DCTN4: variants seen among roughly 807,000 people sequenced by gnomAD.
The protein encoded by DCTN4 is dynactin subunit 4.
In DCTN4, 23 loss-of-function variants were observed where a neutral mutation model predicts 62.7. The observed-to-expected ratio is 0.37, with a 90% CI of 0.26 to 0.52. The LOEUF (loss-of-function observed/expected upper bound fraction) is 0.52, where lower values mean the gene tolerates loss of function less well. DCTN4 is among the 20% of genes least tolerant of loss of function. The pLI is 0.92. For synonymous variants in DCTN4, 199 were observed against 202.1 expected, an observed-to-expected ratio of 0.98 and a Z score of 0.13; for missense variants, 514 against 580.4, an observed-to-expected ratio of 0.89 and a Z score of 1.18.
intron 5 of DCTN4, 137 bp from the exon 6 acceptor site, chr5:150,731,626 TAAAG>T: frequency 2.9e-6 from 2 of 698,480 alleles, no homozygotes; most frequent in Non-Finnish European, 4.7e-6. Flanking sequence ...AGGCTTCTTT[TAAAG>T]AAAGCAATTT....
intron 4 of DCTN4, among the ~76,000 whole-genome samples, chr5:150,740,772 C>G (rs1379642850): frequency 1.3e-5 from 2 of 152,040 alleles, no homozygotes; most frequent in East Asian, 3.9e-4. Context: ...TGTTGGAGAC[C>G]ATTATTCTAA....
At position 150,710,916 on chromosome 5, in the gene DCTN4, G is replaced by A. The variant is rs1688030816; in HGVS notation, c.*233C>T. 1 of 540,444 alleles carries A rather than the reference G, an allele frequency of 1.9e-6. No homozygotes were observed. Among genetic ancestry groups the A allele is most frequent in the Admixed American group, 3.1e-5 (1 of 32,082 alleles). The allele number at this position is 540,444 out of a possible 1,614,324, so 33.5% of individuals were successfully genotyped here. A position where few individuals can be genotyped will look rare whatever the true frequency, so the allele number is the denominator to read the frequency against. ...TATGCTGCTGTTACTCAACGTGCAG[G>A]GTTCAGTGAGGGAGACACAGACTTA... On this transcript the variant is annotated 3_prime_UTR_variant, in exon 13 of 13. Transcript: ENST00000447998.
At chr5:150,752,250 T>G (rs1027403853) in intron 3 of DCTN4, among the ~76,000 whole-genome samples, 1 of 152,196 alleles carries the variant, frequency 6.6e-6, no homozygotes, top group African/African-American at 2.4e-5. Context: ...TTCCACTCTA[T>G]GATGTTAACC....
intron 5 of DCTN4, 93 bp from the exon 6 acceptor site, chr5:150,731,582 C>G: frequency 2.0e-6 from 2 of 1,001,368 alleles, no homozygotes; most frequent in Non-Finnish European, 3.0e-6. Context: ...GCATGAGAAG[C>G]TCAGGGAAAT....
At chr5:150,749,815 C>T (rs1752609189) in intron 3 of DCTN4, among the ~76,000 whole-genome samples, 1 of 152,126 alleles carries the variant, frequency 6.6e-6, no homozygotes, top group African/African-American at 2.4e-5. Flanking sequence ...CCTTTATTCA[C>T]ATAAGCCAAA....
At chr5:150,715,485 T>G in intron 12 of DCTN4, 80 bp downstream of exon 12, 1 of 1,111,362 alleles carries the variant, frequency 9.0e-7, no homozygotes, top group Non-Finnish European at 1.3e-6. Context: ...TTTTAAAAAA[T>G]CCAGACAAGA....
At chr5:150,723,782 G>T (rs1235660614) in intron 8 of DCTN4, among the ~76,000 whole-genome samples, 1 of 152,170 alleles carries the variant, frequency 6.6e-6, no homozygotes, top group Non-Finnish European at 1.5e-5. Flanking sequence ...GCACATAAAA[G>T]TACAAGCATA....
chr5:150,754,873 G>T (rs969601659), intron 2 of DCTN4, among the ~76,000 whole-genome samples: 2 of 152,004 alleles, frequency 1.3e-5, no homozygotes, highest in African/African-American at 4.8e-5. Context: ...TGAGGTGGAA[G>T]GACTGCTTGA....
rs771400712 is a variant in DCTN4, at chr5:150,758,822, C to G, written c.135+37G>C. The stretch of plus-strand genomic sequence containing the variant: ...TGACTAGCATGAACGCCGCGCCCCC[C>G]CCACCCCACATACTCGCTATAGGGC... On this transcript the variant is annotated intron_variant, in intron 1 of 12. Coordinates refer to ENST00000447998, the MANE Select transcript of DCTN4 (RefSeq NM_016221.4). 3.1e-6 allele frequency: 5 copies of G among 1,606,452 alleles called. No homozygotes were observed. In the East Asian group the frequency reaches 6.7e-5, roughly 22 times the overall value.
At chr5:150,728,436 T>A (rs1410392034) in intron 8 of DCTN4, among the ~76,000 whole-genome samples, 1 of 152,310 alleles carries the variant, frequency 6.6e-6, no homozygotes, top group East Asian at 1.9e-4. Flanking sequence ...AGATAAATTG[T>A]CCAAATGTTC....
rs372504610 is a variant in DCTN4 at position 150,731,115 on chromosome 5, G to C, written c.653C>G (p.Pro218Arg). ...GEDQKEIKIE[P>R]AQAVDEVEPL... ...TTCCACTTCATCCACAGCCTGAGCT[G>C]GCTCAATCTTTATCTCTTTCTGATC... The change falls in exon 7 of 13, where the codon CCA becomes CGA. Residue 218 changes from proline to arginine, a missense_variant. Pro to Arg is a moderately radical substitution (Grantham distance 103, BLOSUM62 -2). Coordinates refer to ENST00000447998, the MANE Select transcript of DCTN4 (RefSeq NM_016221.4). The C allele has an allele frequency of 4.3e-6, 7 of 1,612,894 alleles. No homozygotes were observed. Among genetic ancestry groups the C allele is most frequent in the African/African-American group, 1.3e-5 (1 of 74,878 alleles).
At chr5:150,756,523 G>C (rs1365391823) in intron 1 of DCTN4, 36 bp from the exon 2 acceptor site, 1 of 1,409,486 alleles carries the variant, frequency 7.1e-7, no homozygotes, top group Non-Finnish European at 9.8e-7. Flanking sequence ...AAAACCAGAG[G>C]AGAACTCAGT....
At chr5:150,733,242 T>C (rs1265086403) in intron 5 of DCTN4, 126 bp downstream of exon 5, 15 of 600,352 alleles carry the variant, frequency 2.5e-5, no homozygotes, top group Middle Eastern at 2.6e-4. Flanking sequence ...TAAACGTCTA[T>C]AATTTGAAGA....
intron 4 of DCTN4, among the ~76,000 whole-genome samples, chr5:150,735,914 T>TA (rs4036951): frequency 0.031 from 3,881 of 126,078 alleles, 63 homozygotes; most frequent in Middle Eastern, 0.044. Context: ...TTAAGGGAAT[T>TA]AAAAAAAAAA....
intron 3 of DCTN4, among the ~76,000 whole-genome samples, chr5:150,749,888 A>C (rs1269085942): frequency 6.6e-6 from 1 of 152,236 alleles, no homozygotes; most frequent in East Asian, 1.9e-4. Context: ...ATACAACAGA[A>C]TACTACTCAA....
chr5:150,729,038 C>T (rs570163023), intron 8 of DCTN4, among the ~76,000 whole-genome samples: 4 of 104,760 alleles, frequency 3.8e-5, no homozygotes, highest in African/African-American at 1.5e-4. Context: ...AACCACCACA[C>T]TGGCTTTTTT....
At chr5:150,744,813 C>T (rs1272728902) in intron 3 of DCTN4, among the ~76,000 whole-genome samples, 2 of 152,066 alleles carry the variant, frequency 1.3e-5, no homozygotes, top group Non-Finnish European at 2.9e-5. Flanking sequence ...AAAGGCACAA[C>T]CGGTACCAGC....
chr5:150,719,678 C>A, intron 10 of DCTN4, 38 bp downstream of exon 10: 1 of 1,476,156 alleles, frequency 6.8e-7, no homozygotes, highest in South Asian at 1.1e-5. Context: ...CATCATTGAT[C>A]AATCCTTTTT....
intron 4 of DCTN4, chr5:150,734,407 G>C (rs1469284570): frequency 6.6e-6 from 1 of 152,168 alleles, no homozygotes; most frequent in African/African-American, 2.4e-5. Flanking sequence ...ACCTAGTGCT[G>C]AAACAAAATT....
Sources: gnomAD v4.1 joint callset for allele counts (sites outside exome capture counted in the v4.1 genomes callset) on GRCh38, gnomAD v4.1.1 for gene constraint, MANE v1.5 for transcripts, NCBI Gene and HGNC (gene_info 2026-07-23, HGNC 2026-07-21) for gene names.